TBC1D1: variants seen among roughly 807,000 people sequenced by gnomAD.
TBC1D1 encodes TBC1 domain family member 1.
Under a neutral mutation model 125.6 loss-of-function variants are expected in TBC1D1, and 89 were observed. That is an observed-to-expected ratio of 0.71 (90% CI 0.60 to 0.85). The LOEUF is 0.85. Ranked by LOEUF, TBC1D1 falls within the 40% of genes least tolerant of loss-of-function variation. The probability of loss-of-function intolerance (pLI) is 0.00; values close to 1 mark genes in which losing one functional copy is unlikely to be tolerated. For missense variants in TBC1D1, 1,377 were observed against 1,469.2 expected, an observed-to-expected ratio of 0.94 and a Z score of 1.03; for synonymous variants, 565 against 564.1, an observed-to-expected ratio of 1.00 and a Z score of -0.02.
At chr4:38,045,184 G>A (rs545108688) in intron 9 of TBC1D1, among the ~76,000 whole-genome samples, 4 of 152,258 alleles carry the variant, frequency 2.6e-5, no homozygotes, top group African/African-American at 7.2e-5. Flanking sequence ...TAGCCTGATG[G>A]CACGTCTGAG....
chr4:37,946,975 G>A (rs1331000586), intron 2 of TBC1D1, among the ~76,000 whole-genome samples: 3 of 152,170 alleles, frequency 2.0e-5, no homozygotes, highest in Non-Finnish European at 4.4e-5. Flanking sequence ...CAGCCTACAT[G>A]TCTGGCAACA....
chr4:37,946,754 G>T (rs913291390), intron 2 of TBC1D1, among the ~76,000 whole-genome samples: 2 of 152,164 alleles, frequency 1.3e-5, no homozygotes, highest in African/African-American at 4.8e-5. Flanking sequence ...GGGAGTTGCG[G>T]CAGTGTCGAT....
At chr4:37,898,459 C>A (rs1715115103) in intron 1 of TBC1D1, among the ~76,000 whole-genome samples, 1 of 152,190 alleles carries the variant, frequency 6.6e-6, no homozygotes, top group African/African-American at 2.4e-5. Context: ...TCCAAACTAC[C>A]TTTTCCATCA....
intron 2 of TBC1D1, among the ~76,000 whole-genome samples, chr4:37,915,640 C>T (rs560233555): frequency 2.0e-5 from 3 of 152,312 alleles, no homozygotes; most frequent in Admixed American, 1.3e-4. Context: ...CACAGACATA[C>T]CCCAGAAATA....
chr4:38,094,066 T>A (rs79424331), intron 13 of TBC1D1, among the ~76,000 whole-genome samples: 3,303 of 152,332 alleles, frequency 0.022, 56 homozygotes, highest in South Asian at 0.056. Context: ...TACATGATGG[T>A]TTAAAAATCA....
chr4:37,902,103 C>G lies in TBC1D1; in HGVS notation c.8C>G (p.Pro3Arg). 1 of 1,598,590 alleles carries G rather than the reference C, an allele frequency of 6.3e-7. No individual in the cohort carries two copies. The highest frequency in any genetic ancestry group is 8.5e-7 in the Non-Finnish European group (1 of 1,172,940). ...TCCCAGACCCTTCCCAAGATGGAACCAATAACATTCACAGCAAGGAAACAT... is the reference window on the plus strand; with the variant it reads ...TCCCAGACCCTTCCCAAGATGGAACGAATAACATTCACAGCAAGGAAACAT... The change falls in exon 2 of 20, where the codon CCA (proline) becomes CGA (arginine). Residue 3 changes from proline (P) to arginine (R), a missense_variant. Physicochemically the swap from Pro to Arg is moderately radical, Grantham distance 103. This residue lies in a region of TBC1D1 where 822 missense variants were observed against 824.6 expected (regional missense o/e 1.00). Transcript: ENST00000261439.
At chr4:38,025,993 G>GT (rs1425206880) in intron 6 of TBC1D1, among the ~76,000 whole-genome samples, 1 of 151,986 alleles carries the variant, frequency 6.6e-6, no homozygotes, top group African/African-American at 2.4e-5. Flanking sequence ...TAAGGGTTTG[G>GT]TTGCCGGAGG....
chr4:38,121,120 A>G (rs1211716022), intron 17 of TBC1D1, among the ~76,000 whole-genome samples: 2 of 152,214 alleles, frequency 1.3e-5, no homozygotes, highest in East Asian at 1.9e-4. Context: ...GAGTGTGTCC[A>G]GTCTGTCTGT....
intron 18 of TBC1D1, among the ~76,000 whole-genome samples, chr4:38,129,191 G>T (rs1765164710): frequency 6.6e-6 from 1 of 152,180 alleles, no homozygotes; most frequent in Non-Finnish European, 1.5e-5. Context: ...GAAACACAAT[G>T]AACAAAGGAG....
At chr4:38,051,943 A>C (rs79179700) in intron 11 of TBC1D1, 2 of 1,550,562 alleles carry the variant, frequency 1.3e-6, no homozygotes, top group Admixed American at 2.0e-5. Context: ...CGCCCAGGTC[A>C]GTCTTCAGCT....
intron 13 of TBC1D1, among the ~76,000 whole-genome samples, chr4:38,093,696 T>TAG (rs1553935820): frequency 6.6e-6 from 1 of 151,614 alleles, no homozygotes; most frequent in Non-Finnish European, 1.5e-5. Flanking sequence ...ATTTTTATTA[T>TAG]TAGTAGTAGT....
chr4:38,015,596 C>A (rs1334084010), intron 3 of TBC1D1, among the ~76,000 whole-genome samples: 1 of 152,072 alleles, frequency 6.6e-6, no homozygotes, highest in Non-Finnish European at 1.5e-5. Context: ...ATGGGTGTGC[C>A]CTCCCTGGGA....
At chr4:38,030,136 G>A (rs1024439081) in intron 7 of TBC1D1, among the ~76,000 whole-genome samples, 1 of 152,162 alleles carries the variant, frequency 6.6e-6, no homozygotes, top group South Asian at 2.1e-4. Flanking sequence ...ACAGCACCAC[G>A]TAGCTCTCCC....
At chr4:37,950,699 G>A (rs1727659026) in intron 2 of TBC1D1, among the ~76,000 whole-genome samples, 1 of 150,934 alleles carries the variant, frequency 6.6e-6, no homozygotes, top group Non-Finnish European at 1.5e-5. Context: ...TTTACATTAG[G>A]ACTCATTCTT....
At chr4:37,997,951 A>G (rs941003735) in intron 2 of TBC1D1, among the ~76,000 whole-genome samples, 16 of 152,054 alleles carry the variant, frequency 1.1e-4, no homozygotes, top group African/African-American at 3.9e-4. Flanking sequence ...CATGTGAGTA[A>G]ATATTGAGTT....
At chr4:37,894,456 A>T (rs1484582614) in intron 1 of TBC1D1, among the ~76,000 whole-genome samples, 9 of 152,220 alleles carry the variant, frequency 5.9e-5, no homozygotes, top group Non-Finnish European at 1.2e-4. Flanking sequence ...TGTAGGAAAT[A>T]CATTTTAGAA....
At chr4:38,102,604 G>A (rs1054138365) in intron 14 of TBC1D1, among the ~76,000 whole-genome samples, 1 of 152,124 alleles carries the variant, frequency 6.6e-6, no homozygotes, top group Non-Finnish European at 1.5e-5. Flanking sequence ...CAGTGGCCAG[G>A]CATGATGGCT....
chr4:38,105,037 G>C (rs1216658880), intron 15 of TBC1D1, among the ~76,000 whole-genome samples: 1 of 152,134 alleles, frequency 6.6e-6, no homozygotes, highest in Non-Finnish European at 1.5e-5. Flanking sequence ...TTACAGGCGT[G>C]AGCCACCACA....
chr4:38,005,924 G>A (rs1740063900), intron 2 of TBC1D1, among the ~76,000 whole-genome samples: 1 of 152,206 alleles, frequency 6.6e-6, no homozygotes, highest in South Asian at 2.1e-4. Flanking sequence ...ACCTCTGAGT[G>A]ACACATTAGA....
Sources: allele counts gnomAD v4.1 joint callset (sites outside exome capture counted in the v4.1 genomes callset), GRCh38; gene constraint gnomAD v4.1.1; regional missense constraint gnomAD v4.1.1; transcripts MANE v1.5; gene names NCBI Gene and HGNC (gene_info 2026-07-23, HGNC 2026-07-21).